The following BTF3L4 variants were observed in gnomAD, a reference collection of about 807,000 sequenced individuals.
The protein encoded by BTF3L4 is basic transcription factor 3 like 4, also known as transcription factor BTF3 homolog 4.
BTF3L4 carries 6 observed loss-of-function variants against 16.8 expected under a neutral mutation model. The observed-to-expected ratio is 0.36, with a 90% CI of 0.20 to 0.71. The LOEUF (loss-of-function observed/expected upper bound fraction) is 0.71, where lower values mean the gene tolerates loss of function less well. BTF3L4 is among the 30% of genes least tolerant of loss of function. The pLI, the probability that BTF3L4 is intolerant of heterozygous loss-of-function variation, is 0.58. For synonymous variants in BTF3L4, 39 were observed against 59.8 expected (o/e 0.65, Z 1.60); for missense variants, 92 against 186.9 (o/e 0.49, Z 2.96).
chr1:52,070,748 A>G (rs1281854343), intron 3 of BTF3L4, among the ~76,000 whole-genome samples: 1 of 147,458 alleles, frequency 6.8e-6, no homozygotes, highest in East Asian at 2.1e-4. Flanking sequence ...AGCAATTCTC[A>G]TGCCTCAGCC....
intron 3 of BTF3L4, among the ~76,000 whole-genome samples, chr1:52,067,806 A>G (rs970127436): frequency 2.6e-5 from 4 of 152,130 alleles, no homozygotes; most frequent in African/African-American, 7.2e-5. Flanking sequence ...TTTGAACTCG[A>G]TAATTCTTTG....
At chr1:52,073,489 T>TACAC (rs1290065151) in intron 3 of BTF3L4, among the ~76,000 whole-genome samples, 1 of 76,884 alleles carries the variant, frequency 1.3e-5, no homozygotes, top group African/African-American at 5.1e-5. Flanking sequence ...ATATATATGC[T>TACAC]ACATACACAC....
In BTF3L4 at chr1:52,064,573, G is replaced by C. The variant is rs186443259; in HGVS notation, c.55-252G>C. Among the ~76,000 whole-genome samples, 30 of 152,176 alleles carry C rather than the reference G, an allele frequency of 2.0e-4. No homozygotes were observed. The East Asian group carries it at 3.5e-3, about 18-fold the overall frequency. ...AGTATCTTGTGTTGAAATGACAAAG[G>C]CTGGATATTAGATAAGAATAATTCA... is the stretch of plus-strand genomic sequence containing the variant. On this transcript the variant is annotated intron_variant, in intron 2 of 5. Transcript: ENST00000313334.
chr1:52,065,669 C>T (rs575087763), intron 3 of BTF3L4, among the ~76,000 whole-genome samples: 27 of 152,294 alleles, frequency 1.8e-4, no homozygotes, highest in Non-Finnish European at 3.5e-4. Context: ...TTAGTTACTA[C>T]CTCAGCCAAA....
At chr1:52,063,119 A>G (rs1022487717) in intron 2 of BTF3L4, among the ~76,000 whole-genome samples, 3 of 152,142 alleles carry the variant, frequency 2.0e-5, no homozygotes, top group African/African-American at 7.2e-5. Flanking sequence ...TGGGATACAA[A>G]TTTAGGAGTT....
chr1:52,064,336 A>G (rs1686592496), intron 2 of BTF3L4, among the ~76,000 whole-genome samples: 1 of 152,022 alleles, frequency 6.6e-6, no homozygotes, highest in Non-Finnish European at 1.5e-5. Context: ...TCCCATTTGA[A>G]ATTATCTGAT....
At chr1:52,082,088 C>G (rs1572032081) in intron 3 of BTF3L4, among the ~76,000 whole-genome samples, 1 of 152,184 alleles carries the variant, frequency 6.6e-6, no homozygotes. Flanking sequence ...GCATGTTACC[C>G]CACAAGGTAA....
chr1:52,089,264 AGT>A lies in BTF3L4; in HGVS notation c.*2507_*2508del, dbSNP rs1643998194. 1 of 152,162 alleles carries A rather than the reference AGT, an allele frequency of 6.6e-6. No homozygotes were observed. The highest frequency in any genetic ancestry group is 1.5e-5 in the Non-Finnish European group (1 of 68,026). The allele number at this position is 152,162 out of a possible 1,614,324, so 9.4% of individuals were successfully genotyped here. The stretch of plus-strand genomic sequence containing the variant: ...TACTTATCTAGAGGATCTCTGGCCA[AGT>A]ATTCCCTTTTATTGTATTGATAACA... On this transcript the variant is annotated 3_prime_UTR_variant, in exon 6 of 6. Coordinates refer to ENST00000313334, the MANE Select transcript of BTF3L4 (RefSeq NM_152265.5).
At chr1:52,079,872 CTTTT>C (rs71579905) in intron 3 of BTF3L4, among the ~76,000 whole-genome samples, 126 of 5,256 alleles carry the variant, frequency 0.024, no homozygotes, top group Non-Finnish European at 0.093. Flanking sequence ...CTTTTCTTTT[CTTTT>C]TTTTTTTTTT....
intron 1 of BTF3L4, 124 bp downstream of exon 1, chr1:52,056,503 G>C (rs1686358699): frequency 6.5e-6 from 1 of 152,762 alleles, no homozygotes; most frequent in East Asian, 1.9e-4. Context: ...TGCGGCGAGC[G>C]GGGGCGGAGG....
intron 3 of BTF3L4, among the ~76,000 whole-genome samples, chr1:52,076,330 C>T (rs2124436335): frequency 6.6e-6 from 1 of 150,810 alleles, no homozygotes; most frequent in East Asian, 2.0e-4. Context: ...AATCCGAGCA[C>T]TTTGGGAGGC....
At chr1:52,078,595 A>G (rs1686990411) in intron 3 of BTF3L4, among the ~76,000 whole-genome samples, 1 of 152,164 alleles carries the variant, frequency 6.6e-6, no homozygotes, top group South Asian at 2.1e-4. Context: ...ACAGAGAAAG[A>G]AGCATCTTAC....
chr1:52,077,241 G>C (rs1321909602), intron 3 of BTF3L4, among the ~76,000 whole-genome samples: 1 of 152,172 alleles, frequency 6.6e-6, no homozygotes, highest in Non-Finnish European at 1.5e-5. Context: ...TTACATGTAG[G>C]ATGGAGTAGG....
At chr1:52,063,350 A>G (rs1271685564) in intron 2 of BTF3L4, among the ~76,000 whole-genome samples, 1 of 152,210 alleles carries the variant, frequency 6.6e-6, no homozygotes, top group Non-Finnish European at 1.5e-5. Flanking sequence ...AGCACCAAGC[A>G]GTTGAGCTAT....
chr1:52,061,844 G>A (rs1164238519), intron 2 of BTF3L4, among the ~76,000 whole-genome samples: 3 of 151,514 alleles, frequency 2.0e-5, no homozygotes, highest in African/African-American at 7.3e-5. Flanking sequence ...GTTTCTTCAT[G>A]TTGGTCAGGA....
intron 3 of BTF3L4, among the ~76,000 whole-genome samples, chr1:52,080,584 A>G (rs556765451): frequency 3.4e-5 from 4 of 116,410 alleles, no homozygotes; most frequent in African/African-American, 1.3e-4. Flanking sequence ...CCCAGGCCAG[A>G]GTGCAATGGT....
At chr1:52,076,357 C>T (rs1408554968) in intron 3 of BTF3L4, among the ~76,000 whole-genome samples, 3 of 151,938 alleles carry the variant, frequency 2.0e-5, no homozygotes, top group East Asian at 2.0e-4. Context: ...GGGCAGATCA[C>T]GATGTCAGGA....
intron 3 of BTF3L4, among the ~76,000 whole-genome samples, chr1:52,074,004 GAAA>G (rs1192475171): frequency 1.3e-5 from 2 of 151,404 alleles, no homozygotes; most frequent in Non-Finnish European, 2.9e-5. Context: ...CTCAAAAAAA[GAAA>G]AAAATGTAAT....
At chr1:52,078,774 G>T (rs893449948) in intron 3 of BTF3L4, among the ~76,000 whole-genome samples, 1 of 152,136 alleles carries the variant, frequency 6.6e-6, no homozygotes, top group Non-Finnish European at 1.5e-5. Flanking sequence ...GCATTCTGTG[G>T]TTTGGACTGG....
Sources: allele counts gnomAD v4.1 joint callset (sites outside exome capture counted in the v4.1 genomes callset), GRCh38; gene constraint gnomAD v4.1.1; transcripts MANE v1.5; gene names NCBI Gene and HGNC (gene_info 2026-07-23, HGNC 2026-07-21).